Variants in KCNAB3 observed in about 807,000 individuals in gnomAD.
KCNAB3 encodes the protein potassium voltage-gated channel subfamily A regulatory beta subunit 3, also known as voltage-gated potassium channel subunit beta-3.
Under a neutral mutation model 67.7 loss-of-function variants are expected in KCNAB3, and 62 were observed. That is an observed-to-expected ratio of 0.92 (90% confidence interval 0.75 to 1.13). The LOEUF (loss-of-function observed/expected upper bound fraction) is 1.13. KCNAB3 is among the 50% of genes most tolerant of loss of function. The pLI is 0.00. For missense variants in KCNAB3, 514 were observed against 522.9 expected, an observed-to-expected ratio of 0.98 and a Z score of 0.17; for synonymous variants, 212 against 205.4, an observed-to-expected ratio of 1.03 and a Z score of -0.27.
chr17:7,923,795 C>G lies in KCNAB3; in HGVS notation c.964G>C (p.Asp322His). The change falls in exon 12 of 14, where the codon GAT (aspartate) becomes CAT (histidine). Residue 322 changes from aspartate to histidine, a missense_variant. By Grantham distance (81) the Asp-to-His change is moderately conservative (BLOSUM62 -1). Coordinates refer to ENST00000303790, the MANE Select transcript of KCNAB3 (RefSeq NM_004732.4). ...ACTTTGGCTTGTTGCTTCTTGCCAT[C>G]TTCACTCTGCACTTTGTCCTTGAGC... ...QWLKDKVQSEDGKKQQAKVMD... is the reference protein window; with the variant it reads ...QWLKDKVQSEHGKKQQAKVMD... 2 of 1,581,752 alleles carry G rather than the reference C, an allele frequency of 1.3e-6. No individual in the cohort carries two copies. Among genetic ancestry groups the G allele is most frequent in the Non-Finnish European group, 1.7e-6 (2 of 1,163,256 alleles).
In KCNAB3 at chr17:7,925,163, G is replaced by A. The variant is rs774002438; in HGVS notation, c.559C>T (p.Arg187Cys). The A allele has an allele frequency of 1.9e-5, 30 of 1,613,558 alleles. No individual in the cohort carries two copies. Among genetic ancestry groups the A allele is most frequent in the Admixed American group, 1.5e-4 (9 of 59,984 alleles). ...ATGTCCACGTATCCCAGCTGGAGGC[G>A]TTCCAGGGATCCTCGCAAGCCTGGA... ...IIEGLRGSLERLQLGYVDIVF... is the reference protein window; with the variant it reads ...IIEGLRGSLECLQLGYVDIVF... The change falls in exon 8 of 14, where the codon CGC (arginine) becomes TGC (cysteine). Residue 187 changes from arginine (R) to cysteine (C), a missense_variant. By Grantham distance (180) the Arg-to-Cys change is radical. Coordinates refer to ENST00000303790, the MANE Select transcript of KCNAB3 (RefSeq NM_004732.4).
At chr17:7,924,639 T>G in intron 8 of KCNAB3, 139 bp from the exon 9 acceptor site, 1 of 1,404,902 alleles carries the variant, frequency 7.1e-7, no homozygotes, top group Non-Finnish European at 9.2e-7. Context: ...TCTTTGCCTC[T>G]CTTCCTGTCC....
chr17:7,923,340 T>A (rs2151713807), intron 13 of KCNAB3, 116 bp downstream of exon 13: 1 of 1,284,444 alleles, frequency 7.8e-7, no homozygotes, highest in East Asian at 2.5e-5. Context: ...ACCTCTCACC[T>A]GCAAAGTGAG....
rs1457840008 is a variant in KCNAB3, at chr17:7,929,150, C to G, written c.242+44G>C. 1 of 1,604,140 alleles carries G rather than the reference C, an allele frequency of 6.2e-7. No individual in the cohort carries two copies. Among genetic ancestry groups the G allele is most frequent in the Non-Finnish European group, 8.5e-7 (1 of 1,176,784 alleles). ...CCATCTCAAGCAGTCTCAGGGGTCC[C>G]GAAAGGAAAGCGGAAGGGGTGGGCT... On this transcript the variant is annotated intron_variant, in intron 1 of 13. Coordinates refer to ENST00000303790, the MANE Select transcript of KCNAB3 (RefSeq NM_004732.4). The surrounding 1 kb of genome is among the most constrained non-coding windows in gnomAD (Gnocchi z 5.7).
At chr17:7,925,400 G>C in intron 7 of KCNAB3, 1 of 595,374 alleles carries the variant, frequency 1.7e-6, no homozygotes, top group Non-Finnish European at 3.0e-6. Context: ...GTGGTGGCGT[G>C]TGCCTGTAAT....
In KCNAB3 at chr17:7,929,429, C is replaced by T. The variant is rs933963352; in HGVS notation, c.7G>A (p.Val3Met). 19 of 1,547,762 alleles carry T rather than the reference C, an allele frequency of 1.2e-5. No individual in the cohort carries two copies. The highest frequency in any genetic ancestry group is 4.2e-4 in the Middle Eastern group (2 of 4,806). The stretch of plus-strand genomic sequence containing the variant: ...TTCTGCTCGGTACACGCGATAGACA[C>T]CTGCATGCTGGCTGGCCGAGGCGGG... MQ[V>M]SIACTEQNLR... Residue 3 changes from valine (V) to methionine (M), a missense_variant, in exon 1 of 14, where the codon GTG (valine) becomes ATG (methionine). Transcript: ENST00000303790. The surrounding 1 kb of genome is among the most constrained non-coding windows in gnomAD (Gnocchi z 5.7).
Position 7,929,275 on chromosome 17 carries a change from C to T in KCNAB3, c.161G>A (p.Arg54Gln), listed in dbSNP as rs757204365. ...TGGGGGTCGGGGAACCAGTGCAGCT[C>T]GGGCCTTGGGGCCAGACCCTCCACC... is the stretch of plus-strand genomic sequence containing the variant. ...PGGGGSGPKA[R>Q]AALVPRPPAP... The change falls in exon 1 of 14, where the codon CGA becomes CAA. Residue 54 changes from arginine to glutamine, a missense_variant. Transcript: ENST00000303790. This position sits in a 1 kb window ranked among gnomAD's most constrained non-coding sequence, Gnocchi z 5.7. 6 of 1,599,766 alleles carry T rather than the reference C, an allele frequency of 3.8e-6. No homozygotes were observed. Among genetic ancestry groups the T allele is most frequent in the Non-Finnish European group, 2.6e-6 (3 of 1,173,972 alleles).
At chr17:7,928,146 T>C (rs1972298320) in intron 1 of KCNAB3, 2 of 500,172 alleles carry the variant, frequency 4.0e-6, no homozygotes, top group Admixed American at 3.3e-5. Flanking sequence ...GAGTCATCTG[T>C]GGGTTGTGTG....
At chr17:7,923,279 TG>T in intron 13 of KCNAB3, 100 bp from the exon 14 acceptor site, 1 of 1,341,832 alleles carries the variant, frequency 7.5e-7, no homozygotes, top group Non-Finnish European at 1.1e-6. Context: ...TGGGGTCAAG[TG>T]GCAAGGCAAG....
chr17:7,923,235 G>A, intron 13 of KCNAB3, 56 bp from the exon 14 acceptor site: 2 of 1,536,520 alleles, frequency 1.3e-6, no homozygotes, highest in Non-Finnish European at 1.8e-6. Context: ...CTGAGAAAGG[G>A]CATGGGGTTC....
intron 4 of KCNAB3, among the ~76,000 whole-genome samples, chr17:7,926,898 A>G (rs948768916): frequency 6.6e-6 from 1 of 151,924 alleles, no homozygotes; most frequent in Non-Finnish European, 1.5e-5. Context: ...TTAGGAGCTC[A>G]TGGTGGGGGA....
At chr17:7,925,058 G>A (rs1251184162) in intron 8 of KCNAB3, 39 bp downstream of exon 8, 1 of 1,588,138 alleles carries the variant, frequency 6.3e-7, no homozygotes, top group Admixed American at 1.7e-5. Context: ...GAAGTGCTCA[G>A]TTTTGAAGGA....
chr17:7,925,529 CAAAAAAAA>C, intron 7 of KCNAB3, 146 bp downstream of exon 7: 5 of 431,836 alleles, frequency 1.2e-5, no homozygotes, highest in Non-Finnish European at 1.6e-5. Context: ...AACTCCGTCT[CAAAAAAAA>C]AAAAAAAAAA....
Position 7,925,185 on chromosome 17 carries a change from T to TCCA in KCNAB3, c.539-3_539-2insTGG, listed in dbSNP as rs1279373163. On this transcript the variant is annotated splice_region_variant and splice_polypyrimidine_tract_variant and intron_variant, in intron 7 of 13. Transcript: ENST00000303790. ...GGCGTTCCAGGGATCCTCGCAAGCC[T>TCCA]GGAGGTGGGGTAGGGAGAAGAAAAT... is the stretch of plus-strand genomic sequence containing the variant. The TCCA allele has an allele frequency of 6.2e-7, 1 of 1,612,696 alleles. No individual in the cohort carries two copies. Among genetic ancestry groups the TCCA allele is most frequent in the Non-Finnish European group, 8.5e-7 (1 of 1,179,094 alleles).
intron 8 of KCNAB3, chr17:7,924,857 C>T (rs921919417): frequency 1.7e-6 from 1 of 575,234 alleles, no homozygotes; most frequent in African/African-American, 1.9e-5. Context: ...ATCCTCCTGC[C>T]TCAGCCTCCT....
Position 7,926,477 on chromosome 17 carries a change from G to A in KCNAB3, c.405-374C>T, listed in dbSNP as rs543505681. 7.2e-5 allele frequency among the ~76,000 whole-genome samples: 11 copies of A among 152,208 alleles called. No individual in the cohort carries two copies. In the South Asian group the frequency reaches 8.3e-4, roughly 11 times the overall value. On this transcript the variant is annotated intron_variant, in intron 4 of 13. Coordinates refer to ENST00000303790, the MANE Select transcript of KCNAB3 (RefSeq NM_004732.4). ...TTTGAGCCTCTGCAAAATCCCACCCGTCCTCCAAAGCTCAGCTCAAATTCT... is the reference window on the plus strand; with the variant it reads ...TTTGAGCCTCTGCAAAATCCCACCCATCCTCCAAAGCTCAGCTCAAATTCT...
chr17:7,924,664 C>G, intron 8 of KCNAB3, 164 bp from the exon 9 acceptor site: 2 of 1,384,320 alleles, frequency 1.4e-6, no homozygotes, highest in Non-Finnish European at 1.9e-6. Context: ...CCTGGAGTCT[C>G]AGCCTCCACT....
In KCNAB3 at chr17:7,925,675, A is replaced by C; in HGVS notation, c.538+8T>G. 1.2e-6 allele frequency: 2 copies of C among 1,613,692 alleles called. No individual in the cohort carries two copies. Among genetic ancestry groups the C allele is most frequent in the Non-Finnish European group, 1.7e-6 (2 of 1,179,882 alleles). On this transcript the variant is annotated splice_region_variant and intron_variant, in intron 7 of 13. Coordinates refer to ENST00000303790, the MANE Select transcript of KCNAB3 (RefSeq NM_004732.4). The stretch of plus-strand genomic sequence containing the variant: ...CCTCACTTTGGGTTTCCAGCCCCTA[A>C]CTCTCACCCTCAATGATGTGCTTTC...
chr17:7,923,150 C>A lies in KCNAB3; in HGVS notation c.1167G>T (p.Val389=). ...TTCCCAGGAGCCCGTCTATTTCCAT[C>A]ACTGTCTGCGGGGTCAGCTGGCTCA... is the stretch of plus-strand genomic sequence containing the variant. ...QVLSQLTPQT[V]MEIDGLLGNK... is the part of the protein sequence containing the mutation. Residue 389 remains valine, a synonymous_variant, in exon 14 of 14, where the codon GTG becomes GTT. Transcript: ENST00000303790. 1.2e-6 allele frequency: 2 copies of A among 1,614,194 alleles called. No homozygotes were observed. The highest frequency in any genetic ancestry group is 1.7e-6 in the Non-Finnish European group (2 of 1,180,024).
Sources: allele counts gnomAD v4.1 joint callset (sites outside exome capture counted in the v4.1 genomes callset), GRCh38; gene constraint gnomAD v4.1.1; non-coding constraint Gnocchi (gnomAD v3.1); transcripts MANE v1.5; gene names NCBI Gene and HGNC (gene_info 2026-07-23, HGNC 2026-07-21).